Variants in ADK observed in about 807,000 individuals in gnomAD.
ADK encodes the protein N6,N6-dimethyladenosine kinase.
ADK carries 24 observed loss-of-function variants against 44.7 expected under a neutral mutation model. The ratio of observed to expected loss-of-function variants is 0.54; its 90% CI spans 0.39 to 0.76. ADK has a LOEUF of 0.76. Among genes scored for constraint, ADK ranks in the 30% least tolerant of loss-of-function variants. The probability of loss-of-function intolerance (pLI) is 0.00; values close to 1 mark genes in which losing one functional copy is unlikely to be tolerated. For synonymous variants in ADK, 128 were observed against 142.6 expected (o/e 0.90, Z 0.73); for missense variants, 321 against 425.1 (o/e 0.76, Z 2.15).
intron 6 of ADK, chr10:74,424,043 G>T: frequency 6.4e-6 from 1 of 155,330 alleles, no homozygotes; most frequent in South Asian, 1.8e-4. Flanking sequence ...TGATACCAGA[G>T]AGCATGGGGA....
chr10:74,461,541 C>T (rs1390055514), intron 6 of ADK, among the ~76,000 whole-genome samples: 1 of 152,084 alleles, frequency 6.6e-6, no homozygotes, highest in South Asian at 2.1e-4. Flanking sequence ...AGCATTACAT[C>T]TTACAAACAT....
At chr10:74,535,288 C>G (rs1054960598) in intron 7 of ADK, among the ~76,000 whole-genome samples, 1 of 151,948 alleles carries the variant, frequency 6.6e-6, no homozygotes, top group African/African-American at 2.4e-5. Flanking sequence ...TAGTTGGACC[C>G]CATCTCTCCA....
intron 10 of ADK, among the ~76,000 whole-genome samples, chr10:74,685,428 T>G (rs1351623832): frequency 6.6e-6 from 1 of 152,206 alleles, no homozygotes; most frequent in African/African-American, 2.4e-5. Flanking sequence ...GTTTTCTTTG[T>G]CTTTGAAATG....
intron 7 of ADK, among the ~76,000 whole-genome samples, chr10:74,539,917 G>A (rs146080726): frequency 1.1e-3 from 174 of 152,290 alleles, no homozygotes; most frequent in African/African-American, 4.1e-3. Flanking sequence ...GATGTCAGTG[G>A]CATGTTGTAA....
At chr10:74,419,623 T>C (rs1046060126) in intron 6 of ADK, among the ~76,000 whole-genome samples, 3 of 152,190 alleles carry the variant, frequency 2.0e-5, no homozygotes, top group African/African-American at 7.2e-5. Flanking sequence ...ACAGCTGCTA[T>C]AAGTATGATG....
At chr10:74,561,513 G>A (rs1358147800) in intron 7 of ADK, among the ~76,000 whole-genome samples, 1 of 152,152 alleles carries the variant, frequency 6.6e-6, no homozygotes, top group African/African-American at 2.4e-5. Flanking sequence ...TCTTGATCAG[G>A]CATCAATATA....
At chr10:74,622,964 A>G (rs1211078993) in intron 9 of ADK, among the ~76,000 whole-genome samples, 2 of 152,148 alleles carry the variant, frequency 1.3e-5, no homozygotes, top group Admixed American at 6.5e-5. Flanking sequence ...CCGAGATCAC[A>G]CTATTGCACT....
At chr10:74,528,096 A>T in intron 7 of ADK, 1 of 1,048,646 alleles carries the variant, frequency 9.5e-7, no homozygotes, top group Non-Finnish European at 1.5e-6. Flanking sequence ...TGAAACTGGT[A>T]TGTCCATGAT....
chr10:74,456,337 C>A (rs547037577), intron 6 of ADK, among the ~76,000 whole-genome samples: 2 of 152,190 alleles, frequency 1.3e-5, no homozygotes, highest in East Asian at 3.9e-4. Context: ...ATAAAAAACA[C>A]TTTCTCAGAC....
intron 7 of ADK, among the ~76,000 whole-genome samples, chr10:74,567,958 C>G (rs543884679): frequency 3.3e-5 from 5 of 152,214 alleles, no homozygotes; most frequent in East Asian, 3.9e-4. Flanking sequence ...CTCAGCTTCC[C>G]AAAGTGCTGG....
chr10:74,152,868 C>G (rs1485879609), intron 1 of ADK, among the ~76,000 whole-genome samples: 1 of 152,180 alleles, frequency 6.6e-6, no homozygotes, highest in African/African-American at 2.4e-5. Context: ...CTAAAATTCA[C>G]TTTATACAAT....
At chr10:74,310,739 T>A (rs1012576372) in intron 3 of ADK, among the ~76,000 whole-genome samples, 4 of 152,216 alleles carry the variant, frequency 2.6e-5, no homozygotes, top group Admixed American at 2.6e-4. Context: ...AGTTACCTTT[T>A]CTTTGTCAGT....
At chr10:74,387,972 A>G (rs1199521796) in intron 4 of ADK, among the ~76,000 whole-genome samples, 2 of 151,826 alleles carry the variant, frequency 1.3e-5, no homozygotes, top group South Asian at 2.1e-4. Flanking sequence ...CAATGGCGCA[A>G]TCTCGGCCCA....
At chr10:74,500,847 A>G (rs1462021247) in intron 6 of ADK, among the ~76,000 whole-genome samples, 1 of 152,204 alleles carries the variant, frequency 6.6e-6, no homozygotes, top group East Asian at 1.9e-4. Context: ...GATTTGCTTC[A>G]GCAATAAAGA....
At chr10:74,613,698 G>A (rs537718582) in intron 9 of ADK, among the ~76,000 whole-genome samples, 60 of 152,106 alleles carry the variant, frequency 3.9e-4, no homozygotes, top group South Asian at 2.1e-4. Context: ...AAAGGTCAGT[G>A]TGATTTGCAA....
chr10:74,300,362 T>TTCCTTCCTTCCTTC (rs1564641103), intron 3 of ADK, among the ~76,000 whole-genome samples: 1 of 57,414 alleles, frequency 1.7e-5, no homozygotes, highest in Non-Finnish European at 4.6e-5. Context: ...TTCCTTCCTT[T>TTCCTTCCTTCCTTC]CTTTCTTTCT....
At chr10:74,315,467 C>A (rs1840586486) in intron 4 of ADK, among the ~76,000 whole-genome samples, 1 of 152,078 alleles carries the variant, frequency 6.6e-6, no homozygotes, top group African/African-American at 2.4e-5. Flanking sequence ...ACCAGCTTAA[C>A]CTAATCTTGA....
At chr10:74,296,605 C>CTT (rs1442580166) in intron 3 of ADK, among the ~76,000 whole-genome samples, 6 of 140,846 alleles carry the variant, frequency 4.3e-5, no homozygotes, top group Non-Finnish European at 4.7e-5. Context: ...TTTAAGTATT[C>CTT]TTTTTTTTTT....
chr10:74,219,165 T>A (rs1463089395), intron 2 of ADK, among the ~76,000 whole-genome samples: 5 of 151,634 alleles, frequency 3.3e-5, no homozygotes, highest in African/African-American at 1.2e-4. Flanking sequence ...AATAAAAGGA[T>A]GGAGGAAGAT....
Sources: gnomAD v4.1 joint callset for allele counts (sites outside exome capture counted in the v4.1 genomes callset) on GRCh38, gnomAD v4.1.1 for gene constraint, MANE v1.5 for transcripts, NCBI Gene and HGNC (gene_info 2026-07-23, HGNC 2026-07-21) for gene names.